Variants in RBMS3 observed in about 807,000 individuals in gnomAD.
The protein encoded by RBMS3 is RNA binding motif single stranded interacting protein 3, also known as RNA-binding motif, single-stranded-interacting protein 3.
A neutral mutation model predicts 66.8 loss-of-function variants in RBMS3; 27 were observed. The ratio of observed to expected loss-of-function variants is 0.40; its 90% confidence interval spans 0.30 to 0.56. RBMS3 has a LOEUF of 0.56. RBMS3 is among the 20% of genes least tolerant of loss of function. The probability of loss-of-function intolerance (pLI) is 0.40; values close to 1 mark genes in which losing one functional copy is unlikely to be tolerated. For synonymous variants in RBMS3, 188 were observed against 183.0 expected (o/e 1.03, Z -0.22); for missense variants, 513 against 549.5 (o/e 0.93, Z 0.66).
intron 1 of RBMS3, among the ~76,000 whole-genome samples, chr3:29,347,507 T>G (rs753857597): frequency 1.3e-5 from 2 of 152,210 alleles, no homozygotes; most frequent in Non-Finnish European, 2.9e-5. Context: ...TCTTGATAAT[T>G]GAAGTTATTA....
chr3:29,566,627 C>G (rs1347308055), intron 3 of RBMS3, among the ~76,000 whole-genome samples: 1 of 39,278 alleles, frequency 2.5e-5, no homozygotes, highest in Non-Finnish European at 5.4e-5. Context: ...TTCTGCAAAG[C>G]AAAATGCAAA....
chr3:29,376,379 T>A (rs940609647), intron 1 of RBMS3, among the ~76,000 whole-genome samples: 4 of 152,168 alleles, frequency 2.6e-5, no homozygotes, highest in Non-Finnish European at 4.4e-5. Flanking sequence ...TAAAAATGAA[T>A]TGGCTTTCCA....
chr3:29,915,966 T>C (rs2060628669), intron 10 of RBMS3, among the ~76,000 whole-genome samples: 1 of 152,056 alleles, frequency 6.6e-6, no homozygotes, highest in African/African-American at 2.4e-5. Context: ...AAGGCAGCTC[T>C]GTTACTGCAA....
intron 1 of RBMS3, chr3:29,290,845 C>T (rs1251531145): frequency 6.6e-6 from 1 of 151,786 alleles, no homozygotes; most frequent in East Asian, 1.9e-4. Flanking sequence ...ACAATAGACG[C>T]TTTTTGAGGC....
chr3:29,406,273 A>G (rs1024554585), intron 1 of RBMS3, among the ~76,000 whole-genome samples: 1 of 152,204 alleles, frequency 6.6e-6, no homozygotes, highest in South Asian at 2.1e-4. Flanking sequence ...AAAAGCAATT[A>G]GTTTTAAACA....
At chr3:29,682,589 T>A (rs1576512816) in intron 4 of RBMS3, among the ~76,000 whole-genome samples, 1 of 152,038 alleles carries the variant, frequency 6.6e-6, no homozygotes, top group South Asian at 2.1e-4. Context: ...CAGGCAGGAG[T>A]TGAAACTGGA....
intron 4 of RBMS3, among the ~76,000 whole-genome samples, chr3:29,648,819 C>A (rs2050040529): frequency 6.6e-6 from 1 of 152,038 alleles, no homozygotes; most frequent in African/African-American, 2.4e-5. Flanking sequence ...TCCAAGAAAC[C>A]AAGACTTCCA....
chr3:29,567,501 A>G (rs895304436), intron 3 of RBMS3, among the ~76,000 whole-genome samples: 1 of 152,116 alleles, frequency 6.6e-6, no homozygotes, highest in Non-Finnish European at 1.5e-5. Context: ...ATCCTTCTTA[A>G]TAGTCCATTA....
At chr3:29,829,860 C>G (rs542100718) in intron 6 of RBMS3, among the ~76,000 whole-genome samples, 1 of 152,268 alleles carries the variant, frequency 6.6e-6, no homozygotes, top group Non-Finnish European at 1.5e-5. Flanking sequence ...TCTATTTACA[C>G]TGCATTGCAG....
intron 4 of RBMS3, among the ~76,000 whole-genome samples, chr3:29,607,800 CAATT>C (rs1451124529): frequency 6.6e-6 from 1 of 151,822 alleles, no homozygotes; most frequent in Non-Finnish European, 1.5e-5. Context: ...AAAATCTAAC[CAATT>C]AATTAATTGT....
At chr3:29,984,242 C>T (rs1698210534) in intron 12 of RBMS3, among the ~76,000 whole-genome samples, 1 of 151,922 alleles carries the variant, frequency 6.6e-6, no homozygotes, top group Non-Finnish European at 1.5e-5. Context: ...AGTTCTCATG[C>T]TGTGTTTTTC....
At chr3:29,884,358 T>C in intron 8 of RBMS3, 150 bp downstream of exon 8, 1 of 688,926 alleles carries the variant, frequency 1.5e-6, no homozygotes, top group Non-Finnish European at 2.4e-6. Context: ...ATTATAGTTT[T>C]TTTCATCCTA....
intron 1 of RBMS3, among the ~76,000 whole-genome samples, chr3:29,347,627 G>A (rs2036656003): frequency 6.6e-6 from 1 of 152,150 alleles, no homozygotes; most frequent in Non-Finnish European, 1.5e-5. Flanking sequence ...CAGTTTCCAA[G>A]GTTATGACAA....
At chr3:29,942,800 A>AT (rs556076924) in intron 11 of RBMS3, among the ~76,000 whole-genome samples, 70 of 151,262 alleles carry the variant, frequency 4.6e-4, no homozygotes, top group Non-Finnish European at 8.4e-4. Flanking sequence ...GCATGGTCCA[A>AT]TAATTAACTT....
chr3:29,549,026 C>G (rs1431634185), intron 3 of RBMS3, among the ~76,000 whole-genome samples: 3 of 148,608 alleles, frequency 2.0e-5, no homozygotes, highest in Admixed American at 6.7e-5. Flanking sequence ...GATATGTACA[C>G]AAGCCCAAAT....
chr3:29,989,973 C>T (rs1046539431), intron 13 of RBMS3, among the ~76,000 whole-genome samples: 2 of 152,074 alleles, frequency 1.3e-5, no homozygotes, highest in Non-Finnish European at 2.9e-5. Context: ...AGACATTTGA[C>T]AGCGTGGCTT....
chr3:29,618,446 G>C (rs1041208221), intron 4 of RBMS3, among the ~76,000 whole-genome samples: 1 of 151,904 alleles, frequency 6.6e-6, no homozygotes, highest in African/African-American at 2.4e-5. Context: ...GCAGAGGTTA[G>C]AGTGAGCCGA....
intron 14 of RBMS3, among the ~76,000 whole-genome samples, chr3:29,994,309 C>T (rs374408610): frequency 1.3e-5 from 2 of 152,222 alleles, no homozygotes; most frequent in East Asian, 3.9e-4. Flanking sequence ...ATTGCTAGCA[C>T]AGCAGTCTGA....
At chr3:29,884,731 TC>T (rs2059828191) in intron 8 of RBMS3, among the ~76,000 whole-genome samples, 1 of 151,878 alleles carries the variant, frequency 6.6e-6, no homozygotes, top group Non-Finnish European at 1.5e-5. Context: ...AGCTTAAACT[TC>T]CTCCTCTGAA....
Sources: allele counts gnomAD v4.1 joint callset (sites outside exome capture counted in the v4.1 genomes callset), GRCh38; gene constraint gnomAD v4.1.1; transcripts MANE v1.5; gene names NCBI Gene and HGNC (gene_info 2026-07-23, HGNC 2026-07-21).